Variants in ENOX1 observed in about 807,000 individuals in gnomAD.
The protein encoded by ENOX1 is candidate growth-related and time keeping constitutive hydroquinone (NADH) oxidase.
In ENOX1, 42 loss-of-function variants were observed where a neutral mutation model predicts 82.5. The observed-to-expected ratio is 0.51, with a 90% CI of 0.40 to 0.66. The LOEUF is 0.66. Ranked by LOEUF, ENOX1 falls within the 30% of genes least tolerant of loss-of-function variation. ENOX1 has a pLI of 0.00. For missense variants in ENOX1, 608 were observed against 811.6 expected (o/e 0.75, Z 3.05); for synonymous variants, 271 against 282.2 (o/e 0.96, Z 0.40).
At chr13:43,445,158 T>C (rs1412262041) in intron 3 of ENOX1, among the ~76,000 whole-genome samples, 3 of 151,592 alleles carry the variant, frequency 2.0e-5, no homozygotes, top group African/African-American at 4.8e-5. Flanking sequence ...GAGTCTTGCT[T>C]TGTTGCCCAG....
chr13:43,678,822 G>A (rs1199977463), intron 1 of ENOX1, among the ~76,000 whole-genome samples: 3 of 152,058 alleles, frequency 2.0e-5, no homozygotes, highest in Non-Finnish European at 4.4e-5. Flanking sequence ...CATTTAGCAT[G>A]ACCCCTTTCA....
At chr13:43,739,293 A>T (rs1239832879) in intron 1 of ENOX1, among the ~76,000 whole-genome samples, 1 of 152,114 alleles carries the variant, frequency 6.6e-6, no homozygotes, top group Non-Finnish European at 1.5e-5. Flanking sequence ...CACACCTGTA[A>T]TCCCAGCAAT....
intron 5 of ENOX1, among the ~76,000 whole-genome samples, chr13:43,364,568 T>C (rs2153562584): frequency 6.6e-6 from 1 of 152,332 alleles, no homozygotes; most frequent in South Asian, 2.1e-4. Context: ...AAAAAAATCC[T>C]GTTTACTGAT....
intron 2 of ENOX1, among the ~76,000 whole-genome samples, chr13:43,634,584 T>C (rs1281193967): frequency 1.3e-5 from 2 of 152,220 alleles, no homozygotes; most frequent in Non-Finnish European, 2.9e-5. Context: ...CCAGGCTTTC[T>C]AACTGCTACA....
intron 2 of ENOX1, among the ~76,000 whole-genome samples, chr13:43,578,830 AC>A (rs1034813461): frequency 6.6e-6 from 1 of 152,162 alleles, no homozygotes; most frequent in African/African-American, 2.4e-5. Context: ...TTATTGCTTG[AC>A]TTAATTCCAC....
intron 1 of ENOX1, among the ~76,000 whole-genome samples, chr13:43,746,549 TG>T (rs1950031465): frequency 6.6e-6 from 1 of 152,042 alleles, no homozygotes; most frequent in African/African-American, 2.4e-5. Flanking sequence ...AACACTAAGT[TG>T]AGGGGTAACA....
chr13:43,754,035 T>TATAAATACACATATATATACATATATAC (rs1566880724), intron 1 of ENOX1, among the ~76,000 whole-genome samples: 1 of 126,080 alleles, frequency 7.9e-6, no homozygotes, highest in Non-Finnish European at 1.7e-5. Context: ...TACATATATA[T>TATAAATACACATATATATACATATATAC]GTATATAAAT....
intron 3 of ENOX1, among the ~76,000 whole-genome samples, chr13:43,435,930 T>TA (rs367835483): frequency 0.37 from 52,249 of 139,644 alleles, 10,028 homozygotes; most frequent in South Asian, 0.54. Context: ...CTCAAAGGAT[T>TA]AAAAAAAAAA....
intron 2 of ENOX1, among the ~76,000 whole-genome samples, chr13:43,583,920 C>G (rs914742988): frequency 1.3e-5 from 2 of 151,466 alleles, no homozygotes; most frequent in African/African-American, 4.9e-5. Context: ...TTTTGACGCA[C>G]GAGCACAAAA....
At chr13:43,634,389 G>A (rs2083335887) in intron 2 of ENOX1, among the ~76,000 whole-genome samples, 1 of 152,178 alleles carries the variant, frequency 6.6e-6, no homozygotes, top group Non-Finnish European at 1.5e-5. Flanking sequence ...GTGTTACAGA[G>A]GAGAGGGAGA....
chr13:43,623,543 G>A (rs1021326220), intron 2 of ENOX1, among the ~76,000 whole-genome samples: 3 of 152,120 alleles, frequency 2.0e-5, no homozygotes, highest in African/African-American at 4.8e-5. Flanking sequence ...GTGTGTGTTC[G>A]GGAGAGGATG....
At chr13:43,649,298 A>G (rs990562326) in intron 2 of ENOX1, among the ~76,000 whole-genome samples, 2 of 152,170 alleles carry the variant, frequency 1.3e-5, no homozygotes, top group African/African-American at 4.8e-5. Flanking sequence ...ATCTGTCTCA[A>G]CCCAGAGTTC....
intron 2 of ENOX1, among the ~76,000 whole-genome samples, chr13:43,652,348 AAT>A (rs1463042519): frequency 1.3e-5 from 2 of 152,158 alleles, no homozygotes; most frequent in East Asian, 3.9e-4. Context: ...GTTTTGAGTC[AAT>A]GTCCACAGGC....
chr13:43,313,795 A>G (rs1296144003), intron 11 of ENOX1, among the ~76,000 whole-genome samples: 2 of 152,198 alleles, frequency 1.3e-5, no homozygotes, highest in African/African-American at 2.4e-5. Context: ...AGTCTAAACC[A>G]TGGTTTCTTT....
chr13:43,242,418 T>TC (rs1490361137), intron 14 of ENOX1, among the ~76,000 whole-genome samples: 1 of 152,264 alleles, frequency 6.6e-6, no homozygotes, highest in Non-Finnish European at 1.5e-5. Flanking sequence ...TCTTACCTGT[T>TC]CCCTTTCTTT....
At chr13:43,264,490 G>A (rs1250652402) in intron 14 of ENOX1, among the ~76,000 whole-genome samples, 1 of 152,168 alleles carries the variant, frequency 6.6e-6, no homozygotes, top group Non-Finnish European at 1.5e-5. Flanking sequence ...TGCTGGGTAG[G>A]AACAATAATG....
chr13:43,655,302 G>A (rs994739061), intron 2 of ENOX1, among the ~76,000 whole-genome samples: 3 of 152,150 alleles, frequency 2.0e-5, no homozygotes, highest in African/African-American at 2.4e-5. Context: ...GAACCGACCT[G>A]TTCCACAAGG....
At chr13:43,491,721 C>T (rs898436911) in intron 2 of ENOX1, among the ~76,000 whole-genome samples, 5 of 152,074 alleles carry the variant, frequency 3.3e-5, no homozygotes, top group Non-Finnish European at 7.4e-5. Flanking sequence ...GAGCTAACAC[C>T]ACTGCACTGC....
At chr13:43,459,170 T>C (rs554452382) in intron 3 of ENOX1, 1 of 152,354 alleles carries the variant, frequency 6.6e-6, no homozygotes, top group African/African-American at 2.4e-5. Flanking sequence ...CTTGTCCCTA[T>C]GTGGTACCAT....
Sources: gnomAD v4.1 joint callset for allele counts (sites outside exome capture counted in the v4.1 genomes callset) on GRCh38, gnomAD v4.1.1 for gene constraint, MANE v1.5 for transcripts, NCBI Gene and HGNC (gene_info 2026-07-23, HGNC 2026-07-21) for gene names.